Variants in EPHB3 observed in about 807,000 individuals in gnomAD.
EPHB3 encodes the protein ephrin type-B receptor 3.
In EPHB3, 33 loss-of-function variants were observed where a neutral mutation model predicts 100.2. The observed-to-expected ratio is 0.33, with a 90% CI of 0.25 to 0.44. The LOEUF (loss-of-function observed/expected upper bound fraction) is 0.44, where lower values mean the gene tolerates loss of function less well. Ranked by LOEUF, EPHB3 falls within the 20% of genes least tolerant of loss-of-function variation. The pLI is 1.00. For missense variants in EPHB3, 1,045 were observed against 1,378.3 expected (o/e 0.76, Z 3.83); for synonymous variants, 526 against 554.7 (o/e 0.95, Z 0.73).
In EPHB3 at chr3:184,577,973, T is replaced by G; in HGVS notation, c.1715T>G (p.Val572Gly). 1 of 1,614,018 alleles carries G rather than the reference T, an allele frequency of 6.2e-7. No individual in the cohort carries two copies. Among genetic ancestry groups the G allele is most frequent in the Non-Finnish European group, 8.5e-7 (1 of 1,179,972 alleles). Residue 572 changes from valine (V) to glycine (G), a missense_variant, in exon 8 of 16, where the codon GTG (valine) becomes GGG (glycine). Transcript: ENST00000330394. The surrounding 1 kb of genome is among the most constrained non-coding windows in gnomAD (Gnocchi z 4.9). ...GSATAGLVFV[V>G]AVVVIAIVCL... ...GCTACAGCTGGGCTTGTCTTCGTGG[T>G]GGCTGTCGTGGTCATCGCTATCGTC...
chr3:184,571,405 C>G lies in EPHB3; in HGVS notation c.183+23C>G, dbSNP rs1260963929. On this transcript the variant is annotated intron_variant, in intron 2 of 15. Coordinates refer to ENST00000330394, the MANE Select transcript of EPHB3 (RefSeq NM_004443.4). The surrounding 1 kb of genome is among the most constrained non-coding windows in gnomAD (Gnocchi z 5.0). Reference sequence around the variant, plus strand: ...GGGGTGAGGCTTTCCCATCATTCTCCTGAGTGTTGTTTGCCATTAGGCCTC... The same window carrying G: ...GGGGTGAGGCTTTCCCATCATTCTCGTGAGTGTTGTTTGCCATTAGGCCTC... 23 of 1,613,624 alleles carry G rather than the reference C, an allele frequency of 1.4e-5. No individual in the cohort carries two copies. Among genetic ancestry groups the G allele is most frequent in the Non-Finnish European group, 1.9e-5 (23 of 1,179,640 alleles).
In EPHB3 at chr3:184,565,340, A is replaced by G. The variant is rs2077285743; in HGVS notation, c.118+2987A>G. Among the ~76,000 whole-genome samples, 1 of 152,164 alleles carries G rather than the reference A, an allele frequency of 6.6e-6. No homozygotes were observed. Among genetic ancestry groups the G allele is most frequent in the African/African-American group, 2.4e-5 (1 of 41,430 alleles). ...CCAAGATTATTCTCCCCTCAGGACC[A>G]TCAACGGGTCAGGGGGTGGGGTCCA... On this transcript the variant is annotated intron_variant, in intron 1 of 15. Transcript: ENST00000330394. The surrounding 1 kb of genome is among the most constrained non-coding windows in gnomAD (Gnocchi z 4.8).
Position 184,577,545 on chromosome 3 carries a change from C to T in EPHB3, c.1479+78C>T. The T allele has an allele frequency of 1.3e-5, 21 of 1,596,182 alleles. No individual in the cohort carries two copies. Among genetic ancestry groups the T allele is most frequent in the Non-Finnish European group, 1.7e-5 (20 of 1,170,294 alleles). ...ATTACCCCCGGATCATGATGGGGCCCTTGGGAGCAAGGCCTTGGGTATGGA... is the reference window on the plus strand; with the variant it reads ...ATTACCCCCGGATCATGATGGGGCCTTTGGGAGCAAGGCCTTGGGTATGGA... On this transcript the variant is annotated intron_variant, in intron 6 of 15. Transcript: ENST00000330394. The surrounding 1 kb of genome is among the most constrained non-coding windows in gnomAD (Gnocchi z 4.9).
At chr3:184,574,432 G>T (rs186386821) in intron 3 of EPHB3, among the ~76,000 whole-genome samples, 1 of 152,210 alleles carries the variant, frequency 6.6e-6, no homozygotes, top group East Asian at 1.9e-4. Context: ...CACAGGCCTT[G>T]TAGCTAGGGA....
Position 184,562,402 on chromosome 3 carries a change from G to C in EPHB3, c.118+49G>C, listed in dbSNP as rs1297990298. On this transcript the variant is annotated intron_variant, in intron 1 of 15. Coordinates refer to ENST00000330394, the MANE Select transcript of EPHB3 (RefSeq NM_004443.4). This position sits in a 1 kb window ranked among gnomAD's most constrained non-coding sequence, Gnocchi z 4.8. ...CCGGGAACAAGGTGCCTGGGGTCGC[G>C]GGGCTGCGGGCTAGCAGCGTGGGTC... is the stretch of plus-strand genomic sequence containing the variant. 5.0e-6 allele frequency: 6 copies of C among 1,189,826 alleles called. No individual in the cohort carries two copies. The highest frequency in any genetic ancestry group is 3.1e-6 in the Non-Finnish European group (3 of 960,882). 73.7% of individuals were successfully genotyped at this position (1,189,826 alleles called of 1,614,324 possible). A position where few individuals can be genotyped will look rare whatever the true frequency, so the allele number is the denominator to read the frequency against.
rs1281571562 is a variant in EPHB3 at position 184,569,342 on chromosome 3, T to C, written c.119-1976T>C. On this transcript the variant is annotated intron_variant, in intron 1 of 15. Transcript: ENST00000330394. The surrounding 1 kb of genome is among the most constrained non-coding windows in gnomAD (Gnocchi z 5.4). Reference sequence around the variant, plus strand: ...CTGTCTCCTCGGGCCTCCGCGTCTCTCGGTCTCCCTGTCTTTGTAGTCAGC... The same window carrying C: ...CTGTCTCCTCGGGCCTCCGCGTCTCCCGGTCTCCCTGTCTTTGTAGTCAGC... Among the ~76,000 whole-genome samples the C allele has an allele frequency of 6.6e-6, 1 of 152,070 alleles. No individual in the cohort carries two copies. Among genetic ancestry groups the C allele is most frequent in the Non-Finnish European group, 1.5e-5 (1 of 67,990 alleles).
chr3:184,580,437 G>C lies in EPHB3; in HGVS notation c.2208G>C (p.Val736=), dbSNP rs768483687. The change falls in exon 12 of 16, where the codon GTG becomes GTC. Residue 736 remains valine (V), a synonymous_variant. Transcript: ENST00000330394. The part of the protein sequence containing the change: ...NDGQFTVIQL[V]GMLRGIAAGM... ...GGCAGTTCACGGTCATCCAGCTGGT[G>C]GGCATGTTGCGGGGCATTGCTGCCG... The C allele has an allele frequency of 6.2e-7, 1 of 1,614,190 alleles. No individual in the cohort carries two copies. Among genetic ancestry groups the C allele is most frequent in the South Asian group, 1.1e-5 (1 of 91,086 alleles).
In EPHB3 at chr3:184,573,858, C is replaced by T. The variant is rs557639278; in HGVS notation, c.856+682C>T. 6.6e-6 allele frequency among the ~76,000 whole-genome samples: 1 copy of T among 152,110 alleles called. No individual in the cohort carries two copies. The highest frequency in any genetic ancestry group is 2.1e-4 in the South Asian group (1 of 4,822). On this transcript the variant is annotated intron_variant, in intron 3 of 15. Transcript: ENST00000330394. The surrounding 1 kb of genome is among the most constrained non-coding windows in gnomAD (Gnocchi z 4.5). ...TCAGCCTCCTGAGTAGTTGGGATTA[C>T]AGGCATGTGCCACCACACCCAGCTA...
At chr3:184,575,287 G>A (rs933053602) in intron 3 of EPHB3, 30 of 961,632 alleles carry the variant, frequency 3.1e-5, no homozygotes, top group African/African-American at 1.2e-4. Context: ...CCTCTCACCC[G>A]TCCTCAGCCC....
rs1352317421 is a variant in EPHB3, at chr3:184,577,412, C to T, written c.1424C>T (p.Pro475Leu). The T allele has an allele frequency of 1.9e-6, 3 of 1,614,002 alleles. No individual in the cohort carries two copies. Among genetic ancestry groups the T allele is most frequent in the East Asian group, 4.5e-5 (2 of 44,866 alleles). Reference protein sequence around the residue: ...SGSSLTLSWAPPERPNGVILD... With the variant: ...SGSSLTLSWALPERPNGVILD... Reference sequence around the variant, plus strand: ...AGCAGCCTCACCCTATCCTGGGCACCCCCAGAGCGGCCCAACGGAGTCATC... The same window carrying T: ...AGCAGCCTCACCCTATCCTGGGCACTCCCAGAGCGGCCCAACGGAGTCATC... Residue 475 changes from proline (P) to leucine (L), a missense_variant, in exon 6 of 16, where the codon CCC becomes CTC. By Grantham distance (98) the Pro-to-Leu change is moderately conservative (BLOSUM62 -3). Transcript: ENST00000330394. The surrounding 1 kb of genome is among the most constrained non-coding windows in gnomAD (Gnocchi z 4.9).
chr3:184,579,914 G>C lies in EPHB3; in HGVS notation c.2152G>C (p.Ala718Pro). ...MILTEFMENC[A>P]LDSFLRLNDG... ...CCTCACTGAGTTCATGGAAAACTGC[G>C]CCCTGGACTCCTTCCTCCGGGTAAG... The change falls in exon 11 of 16, where the codon GCC becomes CCC. Residue 718 changes from alanine to proline, a missense_variant. Coordinates refer to ENST00000330394, the MANE Select transcript of EPHB3 (RefSeq NM_004443.4). The surrounding 1 kb of genome is among the most constrained non-coding windows in gnomAD (Gnocchi z 5.2). 1.2e-6 allele frequency: 2 copies of C among 1,613,576 alleles called. No homozygotes were observed. Among genetic ancestry groups the C allele is most frequent in the Non-Finnish European group, 1.7e-6 (2 of 1,179,916 alleles).
In EPHB3 at chr3:184,571,307, TG is replaced by T. The variant is rs1714533201; in HGVS notation, c.119-10del. On this transcript the variant is annotated splice_polypyrimidine_tract_variant and intron_variant, in intron 1 of 15. Transcript: ENST00000330394. This position sits in a 1 kb window ranked among gnomAD's most constrained non-coding sequence, Gnocchi z 5.0. The stretch of plus-strand genomic sequence containing the variant: ...ATTAGTCCCTGACCTTTTTCTCCGT[TG>T]TTCCTCCAGAGACCCTCATGGACAC... 2 of 1,613,824 alleles carry T rather than the reference TG, an allele frequency of 1.2e-6. No homozygotes were observed. The highest frequency in any genetic ancestry group is 1.7e-6 in the Non-Finnish European group (2 of 1,179,854).
In EPHB3 at chr3:184,573,578, A is replaced by G. The variant is rs114189191; in HGVS notation, c.856+402A>G. Among the ~76,000 whole-genome samples, 1,435 of 149,504 alleles carry G rather than the reference A, an allele frequency of 9.6e-3. 18 individuals carry two copies. Among genetic ancestry groups the G allele is most frequent in the African/African-American group, 0.033 (1,320 of 40,536 alleles). On this transcript the variant is annotated intron_variant, in intron 3 of 15. Coordinates refer to ENST00000330394, the MANE Select transcript of EPHB3 (RefSeq NM_004443.4). This position sits in a 1 kb window ranked among gnomAD's most constrained non-coding sequence, Gnocchi z 4.5. ...GGCCAAGGGCACGGGGGCTGTGGGTACCTTGTGCATGGCTTTTTACCCTGG... is the reference window on the plus strand; with the variant it reads ...GGCCAAGGGCACGGGGGCTGTGGGTGCCTTGTGCATGGCTTTTTACCCTGG...
rs541370728 is a variant in EPHB3 at position 184,565,538 on chromosome 3, C to A, written c.118+3185C>A. 6.6e-6 allele frequency among the ~76,000 whole-genome samples: 1 copy of A among 152,152 alleles called. No individual in the cohort carries two copies. Among genetic ancestry groups the A allele is most frequent in the Non-Finnish European group, 1.5e-5 (1 of 68,014 alleles). ...GCCAGCACGTCCCCCTCCAGCCAAG[C>A]CTTGGTAGCTGAGTTGTCACTGCAG... On this transcript the variant is annotated intron_variant, in intron 1 of 15. Coordinates refer to ENST00000330394, the MANE Select transcript of EPHB3 (RefSeq NM_004443.4). The surrounding 1 kb of genome is among the most constrained non-coding windows in gnomAD (Gnocchi z 4.8).
In EPHB3 at chr3:184,562,341, C is replaced by G; in HGVS notation, c.106C>G (p.Arg36Gly). Residue 36 changes from arginine (R) to glycine (G), a missense_variant, in exon 1 of 16, where the codon CGG becomes GGG. Transcript: ENST00000330394. The surrounding 1 kb of genome is among the most constrained non-coding windows in gnomAD (Gnocchi z 4.8). ...LPLLLLPAGCRALEETLMDTK... is the reference protein window; with the variant it reads ...LPLLLLPAGCGALEETLMDTK... ...GCTGCTGCTGCTGCCCGCCGGCTGC[C>G]GGGCGCTGGAAGGTGAGCGGCGTCG... The G allele has an allele frequency of 1.6e-6, 2 of 1,238,108 alleles. No individual in the cohort carries two copies. Among genetic ancestry groups the G allele is most frequent in the Non-Finnish European group, 2.0e-6 (2 of 991,790 alleles). 76.7% of individuals were successfully genotyped at this position (1,238,108 alleles called of 1,614,324 possible).
rs549614093 is a variant in EPHB3, at chr3:184,581,796, C to T, written c.*174C>T. The T allele has an allele frequency of 8.3e-5, 52 of 623,910 alleles. No individual in the cohort carries two copies. The highest frequency in any genetic ancestry group is 1.1e-4 in the Non-Finnish European group (40 of 369,138). The allele number at this position is 623,910 out of a possible 1,614,324, so 38.6% of individuals were successfully genotyped here. On this transcript the variant is annotated 3_prime_UTR_variant, in exon 16 of 16. Transcript: ENST00000330394. Reference sequence around the variant, plus strand: ...GCCTGTGTTCCCTCCCCAGGAAGTGCGCCCCAAACCTCTTCATATTGAAGA... The same window carrying T: ...GCCTGTGTTCCCTCCCCAGGAAGTGTGCCCCAAACCTCTTCATATTGAAGA...
chr3:184,565,372 A>C lies in EPHB3; in HGVS notation c.118+3019A>C, dbSNP rs1714360536. ...GGTCAGGGGGTGGGGTCCAATGGGG[A>C]ACAGACTAGGAATGGGGCCTGAGAT... On this transcript the variant is annotated intron_variant, in intron 1 of 15. Transcript: ENST00000330394. The surrounding 1 kb of genome is among the most constrained non-coding windows in gnomAD (Gnocchi z 4.8). Among the ~76,000 whole-genome samples, 1 of 152,118 alleles carries C rather than the reference A, an allele frequency of 6.6e-6. No homozygotes were observed. The highest frequency in any genetic ancestry group is 1.5e-5 in the Non-Finnish European group (1 of 68,012).
At position 184,577,692 on chromosome 3, in the gene EPHB3, T is replaced by C. The variant is rs2108438982; in HGVS notation, c.1514T>C (p.Met505Thr). 6.2e-7 allele frequency: 1 copy of C among 1,609,456 alleles called. No individual in the cohort carries two copies. Among genetic ancestry groups the C allele is most frequent in the East Asian group, 2.2e-5 (1 of 44,766 alleles). The change falls in exon 7 of 16, where the codon ATG (methionine) becomes ACG (threonine). Residue 505 changes from methionine to threonine, a missense_variant. Met to Thr is a moderately conservative substitution (Grantham distance 81, BLOSUM62 -1). Around this residue, in one of 2 missense-constraint regions of EPHB3, gnomAD observed 985 missense variants for 1,331.1 expected, o/e 0.74. Transcript: ENST00000330394. The surrounding 1 kb of genome is among the most constrained non-coding windows in gnomAD (Gnocchi z 4.9). Reference protein sequence around the residue: ...EGIASTVTSQMNSVQLDGLRP... With the variant: ...EGIASTVTSQTNSVQLDGLRP... ...ATCGCCTCCACAGTGACCAGCCAGA[T>C]GAACTCCGTGCAGCTGGACGGGCTT...
rs1297633764 is a variant in EPHB3 at position 184,577,894 on chromosome 3, C to T, written c.1640-4C>T. 20 of 1,613,438 alleles carry T rather than the reference C, an allele frequency of 1.2e-5. No individual in the cohort carries two copies. Among genetic ancestry groups the T allele is most frequent in the Non-Finnish European group, 1.4e-5 (16 of 1,179,668 alleles). Reference sequence around the variant, plus strand: ...CCACTCAGCAGCCCCTTCTCTATCTCCAGGCTCTGGGGCCCAGCAGCTCCA... The same window carrying T: ...CCACTCAGCAGCCCCTTCTCTATCTTCAGGCTCTGGGGCCCAGCAGCTCCA... On this transcript the variant is annotated splice_region_variant and splice_polypyrimidine_tract_variant and intron_variant, in intron 7 of 15. Transcript: ENST00000330394. This position sits in a 1 kb window ranked among gnomAD's most constrained non-coding sequence, Gnocchi z 4.9.
Sources: gnomAD v4.1 joint callset for allele counts (sites outside exome capture counted in the v4.1 genomes callset) on GRCh38, gnomAD v4.1.1 for gene constraint, gnomAD v4.1.1 regional missense constraint, Gnocchi (gnomAD v3.1) non-coding constraint, MANE v1.5 for transcripts, NCBI Gene and HGNC (gene_info 2026-07-23, HGNC 2026-07-21) for gene names.